The following AGAP1 variants were observed in gnomAD, a reference collection of about 807,000 sequenced individuals.
The protein encoded by AGAP1 is ArfGAP with GTPase domain, ankyrin repeat and PH domain 1.
A neutral mutation model predicts 105.3 loss-of-function variants in AGAP1; 29 were observed. That is an observed-to-expected ratio of 0.28 (90% confidence interval 0.21 to 0.38). The LOEUF (loss-of-function observed/expected upper bound fraction) is 0.38, where lower values mean the gene tolerates loss of function less well. AGAP1 is among the 10% of genes least tolerant of loss of function. The pLI is 1.00. For missense variants in AGAP1, 998 were observed against 1,165.1 expected (o/e 0.86, Z 2.09); for synonymous variants, 509 against 485.9 (o/e 1.05, Z -0.63).
intron 1 of AGAP1, among the ~76,000 whole-genome samples, chr2:235,704,451 T>A (rs1950421118): frequency 6.6e-6 from 1 of 152,032 alleles, no homozygotes; most frequent in Non-Finnish European, 1.5e-5. Context: ...ATCGAGACCA[T>A]CCTGGCCAAC....
At chr2:235,523,807 C>T (rs1404514804) in intron 1 of AGAP1, among the ~76,000 whole-genome samples, 3 of 149,584 alleles carry the variant, frequency 2.0e-5, no homozygotes, top group African/African-American at 7.4e-5. Flanking sequence ...CCCTGCCCTT[C>T]CAGTGGGAGT....
In AGAP1 at chr2:235,720,684, C is replaced by A; in HGVS notation, c.310+3040C>A. 1 of 985,442 alleles carries A rather than the reference C, an allele frequency of 1.0e-6. No individual in the cohort carries two copies. Among genetic ancestry groups the A allele is most frequent in the South Asian group, 4.7e-5 (1 of 21,286 alleles). The allele number at this position is 985,442 out of a possible 1,614,324, so 61.0% of individuals were successfully genotyped here. On this transcript the variant is annotated intron_variant, in intron 3 of 17. Coordinates refer to ENST00000304032, the MANE Select transcript of AGAP1 (RefSeq NM_001037131.3). This position sits in a 1 kb window ranked among gnomAD's most constrained non-coding sequence, Gnocchi z 5.0. ...GGATTCTCCCTGCGCTTCTTAATGT[C>A]TGTGCCCTGTTCTTCTGATTTAATT... is the stretch of plus-strand genomic sequence containing the variant.
chr2:236,055,982 G>C lies in AGAP1; in HGVS notation c.2114+6701G>C, dbSNP rs571912212. Among the ~76,000 whole-genome samples the C allele has an allele frequency of 2.6e-5, 4 of 152,274 alleles. 1 individual carries two copies. The South Asian group carries it at 8.3e-4, about 32-fold the overall frequency. Reference sequence around the variant, plus strand: ...GCCAATTAGGAAAATGTACAAATGAGAAGTACGTTAACACTGCCTTTAAAA... The same window carrying C: ...GCCAATTAGGAAAATGTACAAATGACAAGTACGTTAACACTGCCTTTAAAA... On this transcript the variant is annotated intron_variant, in intron 16 of 17. Coordinates refer to ENST00000304032, the MANE Select transcript of AGAP1 (RefSeq NM_001037131.3). This position sits in a 1 kb window ranked among gnomAD's most constrained non-coding sequence, Gnocchi z 6.2.
chr2:236,047,108 C>CA (rs144381784), intron 15 of AGAP1, among the ~76,000 whole-genome samples: 11,976 of 151,854 alleles, frequency 0.079, 512 homozygotes, highest in East Asian at 0.2. Context: ...GACCCTATCT[C>CA]AAAAAAAGAG....
At chr2:235,878,825 G>C (rs1276184142) in intron 9 of AGAP1, among the ~76,000 whole-genome samples, 2 of 152,198 alleles carry the variant, frequency 1.3e-5, no homozygotes, top group African/African-American at 4.8e-5. Context: ...GCAGCGGGAA[G>C]ATAAAATGCG....
intron 1 of AGAP1, among the ~76,000 whole-genome samples, chr2:235,667,865 A>G (rs543776727): frequency 1.3e-5 from 2 of 150,588 alleles, no homozygotes; most frequent in South Asian, 4.2e-4. Context: ...AGGCTGAGAC[A>G]GGAGAATCAC....
In AGAP1 at chr2:236,120,094, A is replaced by G; in HGVS notation, c.2115-98A>G. ...GAAGACCTTTGCTTTCTGTTATTTC[A>G]CTTCCCTCTCGGCTTCTCCCGACCA... On this transcript the variant is annotated intron_variant, in intron 16 of 17. Transcript: ENST00000304032. The surrounding 1 kb of genome is among the most constrained non-coding windows in gnomAD (Gnocchi z 6.0). 1 of 1,502,704 alleles carries G rather than the reference A, an allele frequency of 6.7e-7. No individual in the cohort carries two copies. Among genetic ancestry groups the G allele is most frequent in the South Asian group, 1.3e-5 (1 of 74,728 alleles). 93.1% of individuals were successfully genotyped at this position (1,502,704 alleles called of 1,614,324 possible).
At position 235,690,528 on chromosome 2, in the gene AGAP1, G is replaced by A. The variant is rs889144349; in HGVS notation, c.164-18651G>A. ...TTATTCCTAGCTTCCGGTAGAGGAG[G>A]CTGGCCAACTCAGACACCTAAGCAG... is the stretch of plus-strand genomic sequence containing the variant. On this transcript the variant is annotated intron_variant, in intron 1 of 17. Coordinates refer to ENST00000304032, the MANE Select transcript of AGAP1 (RefSeq NM_001037131.3). The surrounding 1 kb of genome is among the most constrained non-coding windows in gnomAD (Gnocchi z 4.1). 6.6e-6 allele frequency among the ~76,000 whole-genome samples: 1 copy of A among 152,212 alleles called. No individual in the cohort carries two copies. The highest frequency in any genetic ancestry group is 1.5e-5 in the Non-Finnish European group (1 of 68,038).
intron 16 of AGAP1, among the ~76,000 whole-genome samples, chr2:236,084,789 A>G (rs909358725): frequency 1.3e-5 from 2 of 152,066 alleles, no homozygotes; most frequent in African/African-American, 4.8e-5. Context: ...CTGTAGTCCC[A>G]GCTATTCGGG....
chr2:235,972,438 C>G (rs542112740), intron 13 of AGAP1, among the ~76,000 whole-genome samples: 3 of 152,126 alleles, frequency 2.0e-5, no homozygotes, highest in South Asian at 4.1e-4. Context: ...GCTGGTTCGC[C>G]GAGGAGTCTT....
chr2:235,687,203 G>T (rs1949496734), intron 1 of AGAP1, among the ~76,000 whole-genome samples: 1 of 152,188 alleles, frequency 6.6e-6, no homozygotes, highest in African/African-American at 2.4e-5. Flanking sequence ...CTGGGCATTT[G>T]CTATCAAACA....
Position 236,062,436 on chromosome 2 carries a change from T to TTTG in AGAP1, c.2114+13179_2114+13181dup, listed in dbSNP as rs145991084. On this transcript the variant is annotated intron_variant, in intron 16 of 17. Coordinates refer to ENST00000304032, the MANE Select transcript of AGAP1 (RefSeq NM_001037131.3). This position sits in a 1 kb window ranked among gnomAD's most constrained non-coding sequence, Gnocchi z 4.2. ...CTAGGAGCATACTCAGGACTCGTATTTTGTTGTTGTTGTTGTTGTTGTTGT... is the reference window on the plus strand; with the variant it reads ...CTAGGAGCATACTCAGGACTCGTATTTTGTTGTTGTTGTTGTTGTTGTTGTTGT... Among the ~76,000 whole-genome samples the TTTG allele has an allele frequency of 0.15, 22,354 of 150,928 alleles. 2,571 individuals are homozygous for TTTG. The highest frequency in any genetic ancestry group is 0.32 in the African/African-American group (13,026 of 40,882).
At chr2:236,048,924 G>A in intron 15 of AGAP1, 135 bp from the exon 16 acceptor site, 2 of 780,200 alleles carry the variant, frequency 2.6e-6, no homozygotes, top group South Asian at 3.5e-5. Context: ...ACTGGCTAGG[G>A]AGCATTTTTT....
chr2:235,544,110 C>G (rs1381541151), intron 1 of AGAP1, among the ~76,000 whole-genome samples: 1 of 152,210 alleles, frequency 6.6e-6, no homozygotes, highest in Non-Finnish European at 1.5e-5. Context: ...TTTCATAAGG[C>G]TAACGTTGAA....
rs531939859 is a variant in AGAP1 at position 235,535,021 on chromosome 2, C to G, written c.163+40172C>G. Among the ~76,000 whole-genome samples the G allele has an allele frequency of 5.3e-5, 8 of 152,308 alleles. No homozygotes were observed. In the East Asian group the frequency reaches 1.5e-3, roughly 29 times the overall value. On this transcript the variant is annotated intron_variant, in intron 1 of 17. Transcript: ENST00000304032. This position sits in a 1 kb window ranked among gnomAD's most constrained non-coding sequence, Gnocchi z 5.1. ...CAGGATGCTTTTTTCCTCCAAATGC[C>G]TCTCACCTATTCCCAGATACTCGCT...
intron 16 of AGAP1, among the ~76,000 whole-genome samples, chr2:236,067,492 A>G (rs905489004): frequency 6.6e-6 from 1 of 152,204 alleles, no homozygotes; most frequent in Admixed American, 6.5e-5. Flanking sequence ...CTATAATGCT[A>G]AATCAGGTGG....
intron 12 of AGAP1, among the ~76,000 whole-genome samples, chr2:235,938,497 T>A (rs1443297996): frequency 6.6e-6 from 1 of 152,196 alleles, no homozygotes; most frequent in African/African-American, 2.4e-5. Flanking sequence ...TCTCCAGATT[T>A]AGAGACTACA....
In AGAP1 at chr2:235,768,656, A is replaced by G. The variant is rs919043253; in HGVS notation, c.673+18168A>G. Among the ~76,000 whole-genome samples the G allele has an allele frequency of 2.6e-5, 4 of 152,372 alleles. No individual in the cohort carries two copies. The East Asian group carries it at 7.7e-4, about 29-fold the overall frequency. On this transcript the variant is annotated intron_variant, in intron 6 of 17. Transcript: ENST00000304032. ...AAGGTTCAGGTGTTGCAGTCGAATC[A>G]GTAAACTCCGGCGGCATCCAGGGAT...
intron 9 of AGAP1, among the ~76,000 whole-genome samples, chr2:235,833,766 G>T (rs1474527789): frequency 1.3e-5 from 2 of 151,536 alleles, no homozygotes; most frequent in African/African-American, 4.9e-5. Context: ...ACACTTACAT[G>T]TGTGCATGTT....
Sources: gnomAD v4.1 joint callset for allele counts (sites outside exome capture counted in the v4.1 genomes callset) on GRCh38, gnomAD v4.1.1 for gene constraint, Gnocchi (gnomAD v3.1) non-coding constraint, MANE v1.5 for transcripts, NCBI Gene and HGNC (gene_info 2026-07-23, HGNC 2026-07-21) for gene names.